The following SNTG1 variants were observed in gnomAD, a reference collection of about 807,000 sequenced individuals.
SNTG1 encodes gamma-1-syntrophin.
Under a neutral mutation model 74.7 loss-of-function variants are expected in SNTG1, and 39 were observed. The ratio of observed to expected loss-of-function variants is 0.52; its 90% CI spans 0.40 to 0.68. SNTG1 has a LOEUF of 0.68. Ranked by LOEUF, SNTG1 falls within the 30% of genes least tolerant of loss-of-function variation. The pLI, the probability that SNTG1 is intolerant of heterozygous loss-of-function variation, is 0.00. For missense variants in SNTG1, 685 were observed against 609.5 expected (o/e 1.12, Z -1.30); for synonymous variants, 254 against 217.1 (o/e 1.17, Z -1.49).
intron 9 of SNTG1, among the ~76,000 whole-genome samples, chr8:50,524,969 G>A (rs10093863): frequency 2.6e-4 from 40 of 152,000 alleles, no homozygotes; most frequent in African/African-American, 8.9e-4. Context: ...CTTTACCAGA[G>A]GACATTATTT....
rs1033999170 is a variant in SNTG1, at chr8:50,577,874, AAAG to A, written c.811-12999_811-12997del. On this transcript the variant is annotated intron_variant, in intron 12 of 18. Transcript: ENST00000642720. ...AAAGAGGTTAAATCAGCTTCTAGTA[AAAG>A]AAGAATTAAGAAGCCTGACCAGTTA... 6.6e-5 allele frequency among the ~76,000 whole-genome samples: 10 copies of A among 152,212 alleles called. 1 individual carries two copies. The highest frequency in any genetic ancestry group is 1.9e-4 in the African/African-American group (8 of 41,466).
At chr8:50,714,478 A>G (rs148104010) in intron 17 of SNTG1, among the ~76,000 whole-genome samples, 84 of 152,208 alleles carry the variant, frequency 5.5e-4, no homozygotes, top group African/African-American at 1.9e-3. Context: ...GTCCAAAGTG[A>G]TTTATAGATT....
At chr8:49,952,072 G>T (rs1809771794) in intron 1 of SNTG1, among the ~76,000 whole-genome samples, 1 of 152,050 alleles carries the variant, frequency 6.6e-6, no homozygotes, top group African/African-American at 2.4e-5. Flanking sequence ...CTTTCTGCAA[G>T]AAATGTTATT....
rs1323314068 is a variant in SNTG1 at position 50,167,031 on chromosome 8, C to A, written c.-102-5530C>A. On this transcript the variant is annotated intron_variant, in intron 1 of 18. Transcript: ENST00000642720. ...GTAAACTATCGCAAGAACAAAAAAC[C>A]AAACACTGCATATTCTCACTCATAG... Among the ~76,000 whole-genome samples, 5 of 138,958 alleles carry A rather than the reference C, an allele frequency of 3.6e-5. No homozygotes were observed. In the Admixed American group the frequency reaches 3.6e-4, roughly 10 times the overall value. 91.2% of individuals were successfully genotyped at this position (138,958 alleles called of 152,430 possible).
intron 13 of SNTG1, among the ~76,000 whole-genome samples, chr8:50,621,423 T>G (rs957341228): frequency 1.3e-5 from 2 of 152,196 alleles, no homozygotes; most frequent in African/African-American, 4.8e-5. Flanking sequence ...AGAAAGTTCT[T>G]GTTATTTCCT....
At chr8:50,518,318 G>A (rs1012111205) in intron 9 of SNTG1, among the ~76,000 whole-genome samples, 8 of 152,132 alleles carry the variant, frequency 5.3e-5, no homozygotes, top group Admixed American at 4.6e-4. Context: ...TGTTTAGAGG[G>A]AAATTTATAG....
chr8:50,159,923 T>G (rs2082364603), intron 1 of SNTG1, among the ~76,000 whole-genome samples: 1 of 152,160 alleles, frequency 6.6e-6, no homozygotes, highest in Non-Finnish European at 1.5e-5. Context: ...TTCTTCAGAA[T>G]CCACCTGCAG....
At chr8:50,332,520 A>G (rs1266495117) in intron 2 of SNTG1, among the ~76,000 whole-genome samples, 2 of 152,104 alleles carry the variant, frequency 1.3e-5, no homozygotes, top group African/African-American at 4.8e-5. Context: ...TTTGTTTGGG[A>G]AATAAAATAT....
intron 13 of SNTG1, among the ~76,000 whole-genome samples, chr8:50,620,582 T>C (rs1433373470): frequency 6.6e-6 from 1 of 152,126 alleles, no homozygotes; most frequent in Non-Finnish European, 1.5e-5. Flanking sequence ...TTTGCTGGGG[T>C]GCCTCAGAGA....
intron 8 of SNTG1, among the ~76,000 whole-genome samples, chr8:50,466,652 C>T (rs2093610965): frequency 6.6e-6 from 1 of 151,884 alleles, no homozygotes; most frequent in African/African-American, 2.4e-5. Flanking sequence ...AATGTTGAGT[C>T]CTCGAATCCA....
At chr8:50,059,119 A>G (rs1490817438) in intron 1 of SNTG1, among the ~76,000 whole-genome samples, 1 of 152,090 alleles carries the variant, frequency 6.6e-6, no homozygotes, top group Non-Finnish European at 1.5e-5. Flanking sequence ...CATAGTACCC[A>G]TGTGCCAGTT....
intron 2 of SNTG1, among the ~76,000 whole-genome samples, chr8:50,299,993 C>T (rs1290470230): frequency 3.3e-5 from 5 of 152,056 alleles, no homozygotes; most frequent in East Asian, 1.9e-4. Flanking sequence ...TAGACCAAAG[C>T]CTGTCACATA....
intron 2 of SNTG1, among the ~76,000 whole-genome samples, chr8:50,390,150 T>C (rs1019364618): frequency 5.9e-5 from 9 of 151,826 alleles, no homozygotes; most frequent in African/African-American, 1.7e-4. Context: ...AGATATGAAG[T>C]CCTTGTCCAT....
chr8:50,098,967 T>C (rs762443626), intron 1 of SNTG1, among the ~76,000 whole-genome samples: 1 of 152,072 alleles, frequency 6.6e-6, no homozygotes, highest in Non-Finnish European at 1.5e-5. Context: ...ATGTTACATG[T>C]ACACATAGAA....
At chr8:50,014,700 A>G (rs573013909) in intron 1 of SNTG1, among the ~76,000 whole-genome samples, 6 of 152,136 alleles carry the variant, frequency 3.9e-5, no homozygotes, top group Admixed American at 6.6e-5. Flanking sequence ...AATGTAGGGA[A>G]AACTTCTAAA....
intron 2 of SNTG1, among the ~76,000 whole-genome samples, chr8:50,222,309 T>C (rs1322278948): frequency 3.3e-5 from 5 of 152,190 alleles, no homozygotes; most frequent in Non-Finnish European, 7.3e-5. Context: ...GGGGCTACTA[T>C]CATTTAAACT....
Position 50,038,242 on chromosome 8 carries a change from G to A in SNTG1, c.-103+126011G>A, listed in dbSNP as rs143405013. The stretch of plus-strand genomic sequence containing the variant: ...TGATCTATGTACCCCTGAAAATAGA[G>A]CATCCAGACAAAAGGCAAGAATCGG... On this transcript the variant is annotated intron_variant, in intron 1 of 18. Transcript: ENST00000642720. 4.9e-3 allele frequency among the ~76,000 whole-genome samples: 747 copies of A among 152,208 alleles called. 3 individuals carry two copies. Among genetic ancestry groups the A allele is most frequent in the Non-Finnish European group, 7.9e-3 (536 of 68,018 alleles).
chr8:50,348,568 C>T (rs1430704648), intron 2 of SNTG1, among the ~76,000 whole-genome samples: 1 of 152,126 alleles, frequency 6.6e-6, no homozygotes, highest in African/African-American at 2.4e-5. Context: ...AAAGCAGGAC[C>T]AATGCACTTA....
chr8:50,082,711 C>T (rs1822523428), intron 1 of SNTG1, among the ~76,000 whole-genome samples: 1 of 152,066 alleles, frequency 6.6e-6, no homozygotes, highest in Non-Finnish European at 1.5e-5. Flanking sequence ...TCCAATAGGC[C>T]CTTTCATGCC....
Sources: gnomAD v4.1 joint callset for allele counts (sites outside exome capture counted in the v4.1 genomes callset) on GRCh38, gnomAD v4.1.1 for gene constraint, MANE v1.5 for transcripts, NCBI Gene and HGNC (gene_info 2026-07-23, HGNC 2026-07-21) for gene names.